The following ACSM3 variants were observed in gnomAD, a reference collection of about 807,000 sequenced individuals.
ACSM3 encodes the protein acyl-CoA synthetase medium chain family member 3, also known as acyl-coenzyme A synthetase ACSM3, mitochondrial.
In ACSM3, 61 loss-of-function variants were observed where a neutral mutation model predicts 74.1. The ratio of observed to expected loss-of-function variants is 0.82; its 90% CI spans 0.67 to 1.02. The LOEUF (loss-of-function observed/expected upper bound fraction) is 1.02. Ranked by LOEUF, ACSM3 falls within the 50% of genes least tolerant of loss-of-function variation. ACSM3 has a pLI of 0.00. For synonymous variants in ACSM3, 213 were observed against 241.5 expected (o/e 0.88, Z 1.09); for missense variants, 660 against 697.0 (o/e 0.95, Z 0.60).
chr16:20,729,460 T>C, intron 1 of ACSM3: 1 of 701,316 alleles, frequency 1.4e-6, no homozygotes, highest in South Asian at 1.6e-5. Context: ...TCAGGTACCG[T>C]ATTGGGCCAT....
intron 1 of ACSM3, chr16:20,728,105 T>C (rs1174681116): frequency 8.1e-6 from 2 of 247,872 alleles, no homozygotes; most frequent in South Asian, 1.1e-4. Flanking sequence ...TTCATTGTCA[T>C]GATATAGTTT....
Position 20,796,413 on chromosome 16 carries a change from A to C in ACSM3, c.1598A>C (p.His533Pro). ...FVVLNPDYKS[H>P]DQEQLIKEIQ... The stretch of plus-strand genomic sequence containing the variant: ...GTTCTAAATCCTGATTACAAGTCAC[A>C]TGATCAAGAACAACTAATAAAGGAG... Residue 533 changes from histidine to proline, a missense_variant, in exon 13 of 14, where the codon CAT (histidine) becomes CCT (proline). Coordinates refer to ENST00000289416, the MANE Select transcript of ACSM3 (RefSeq NM_005622.4). 6 of 1,613,896 alleles carry C rather than the reference A, an allele frequency of 3.7e-6. No individual in the cohort carries two copies. Among genetic ancestry groups the C allele is most frequent in the Non-Finnish European group, 5.1e-6 (6 of 1,179,934 alleles).
chr16:20,761,030 T>C (rs1469519268), upstream of ACSM3, among the ~76,000 whole-genome samples: 2 of 152,220 alleles, frequency 1.3e-5, no homozygotes, highest in Non-Finnish European at 2.9e-5. Context: ...AATCCACCTA[T>C]TACCTGAAAG....
rs769765337 is a variant in ACSM3 at position 20,780,883 on chromosome 16, G to A, written c.782+26G>A. The A allele has an allele frequency of 1.4e-5, 22 of 1,613,800 alleles. No individual in the cohort carries two copies. The African/African-American group carries it at 2.3e-4, about 17-fold the overall frequency. ...GTATACTTTCACAAAAGTGCAGCTTGAAGTGTCAAAACTGCAAAGATGATG... is the reference window on the plus strand; with the variant it reads ...GTATACTTTCACAAAAGTGCAGCTTAAAGTGTCAAAACTGCAAAGATGATG... On this transcript the variant is annotated intron_variant, in intron 5 of 13. Transcript: ENST00000289416.
At chr16:20,753,952 AAG>A (rs752183250) in intron 2 of ACSM3, among the ~76,000 whole-genome samples, 1 of 152,224 alleles carries the variant, frequency 6.6e-6, no homozygotes, top group Non-Finnish European at 1.5e-5. Context: ...TTGATGATGC[AAG>A]AGAGAGGAAG....
intron 1 of ACSM3, among the ~76,000 whole-genome samples, chr16:20,687,537 C>T (rs904099656): frequency 2.6e-5 from 4 of 151,998 alleles, no homozygotes; most frequent in Admixed American, 6.6e-5. Flanking sequence ...TTTCAAATGC[C>T]TAACTTTCAA....
chr16:20,691,751 A>ATGTGTGTGTGTGTGTGTG (rs59929923), intron 1 of ACSM3, among the ~76,000 whole-genome samples: 1 of 134,024 alleles, frequency 7.5e-6, no homozygotes, highest in South Asian at 2.5e-4. Flanking sequence ...TACCTCTCCA[A>ATGTGTGTGTGTGTGTGTG]TGTGTGTGTG....
chr16:20,730,631 T>C (rs1356013817), intron 1 of ACSM3, among the ~76,000 whole-genome samples: 1 of 152,128 alleles, frequency 6.6e-6, no homozygotes, highest in Non-Finnish European at 1.5e-5. Flanking sequence ...TTCTCAGAAA[T>C]AGTTTCCTCC....
At chr16:20,775,761 C>T in intron 2 of ACSM3, 78 bp from the exon 3 acceptor site, 1 of 1,418,276 alleles carries the variant, frequency 7.1e-7, no homozygotes, top group South Asian at 1.2e-5. Flanking sequence ...TTCAGCTAAT[C>T]TATTCCATTG....
intron 12 of ACSM3, 48 bp downstream of exon 12, chr16:20,792,383 C>T (rs1313157474): frequency 1.2e-6 from 2 of 1,603,934 alleles, no homozygotes; most frequent in Admixed American, 3.3e-5. Context: ...GGCAATTTAA[C>T]ACATACTTAC....
At chr16:20,760,867 T>C (rs536340610), upstream of ACSM3, among the ~76,000 whole-genome samples, 20 of 152,308 alleles carry the variant, frequency 1.3e-4, no homozygotes, top group Non-Finnish European at 2.4e-4. Context: ...CATTCACAAG[T>C]GTTCTCTTTG....
intron 1 of ACSM3, among the ~76,000 whole-genome samples, chr16:20,695,996 A>G (rs751875625): frequency 6.6e-6 from 1 of 152,212 alleles, no homozygotes; most frequent in Admixed American, 6.5e-5. Flanking sequence ...AATTATAATG[A>G]CATATTTCTA....
intron 1 of ACSM3, among the ~76,000 whole-genome samples, chr16:20,747,645 G>A (rs907180219): frequency 2.0e-5 from 3 of 152,056 alleles, no homozygotes; most frequent in African/African-American, 7.3e-5. Context: ...TAGATCATCC[G>A]CCTGCTTCTT....
chr16:20,788,542 G>T (rs1159762755), intron 9 of ACSM3, among the ~76,000 whole-genome samples: 2 of 152,164 alleles, frequency 1.3e-5, no homozygotes, highest in Non-Finnish European at 2.9e-5. Context: ...GGGGCTTCTT[G>T]TTCCTTAGCT....
rs1478218634 is a variant in ACSM3 at position 20,727,440 on chromosome 16, C to T, written c.-189-22470C>T. On this transcript the variant is annotated intron_variant, in intron 1 of 3. Coordinates refer to the ACSM3 transcript ENST00000561584. The stretch of plus-strand genomic sequence containing the variant: ...GAGGGCACAAACTGGGCTGGAGCTA[C>T]ATGAGAGCTATGGACAGACGGAAGT... The T allele has an allele frequency of 9.6e-6, 5 of 522,964 alleles. No individual in the cohort carries two copies. In the African/African-American group the frequency reaches 9.9e-5, roughly 10 times the overall value. 32.4% of individuals were successfully genotyped at this position (522,964 alleles called of 1,614,324 possible).
At chr16:20,739,206 C>T (rs1596492205) in intron 1 of ACSM3, 4 of 879,868 alleles carry the variant, frequency 4.5e-6, no homozygotes, top group South Asian at 1.8e-5. Context: ...GATGGAGTCT[C>T]GCTTTGCCTC....
rs147411401 is a variant in ACSM3, at chr16:20,778,278, G to A, written c.638+698G>A. Among the ~76,000 whole-genome samples the A allele has an allele frequency of 2.0e-4, 30 of 152,292 alleles. No homozygotes were observed. The East Asian group carries it at 3.9e-3, about 20-fold the overall frequency. Reference sequence around the variant, plus strand: ...ATGGGTTACTTGGAACTCTTGCCAGGTACTGGTTATGCCTTAGAATTGGGC... The same window carrying A: ...ATGGGTTACTTGGAACTCTTGCCAGATACTGGTTATGCCTTAGAATTGGGC... On this transcript the variant is annotated intron_variant, in intron 4 of 13. Coordinates refer to ENST00000289416, the MANE Select transcript of ACSM3 (RefSeq NM_005622.4).
chr16:20,780,863 C>T lies in ACSM3; in HGVS notation c.782+6C>T. On this transcript the variant is annotated splice_donor_region_variant and intron_variant, in intron 5 of 13. Coordinates refer to ENST00000289416, the MANE Select transcript of ACSM3 (RefSeq NM_005622.4). ...GGATTATCTGTAAATGGAAGGTATA[C>T]TTTCACAAAAGTGCAGCTTGAAGTG... is the stretch of plus-strand genomic sequence containing the variant. 15 of 1,614,182 alleles carry T rather than the reference C, an allele frequency of 9.3e-6. No homozygotes were observed. Among genetic ancestry groups the T allele is most frequent in the Non-Finnish European group, 1.2e-5 (14 of 1,179,996 alleles).
chr16:20,762,936 A>T (rs1228919217), upstream of ACSM3, among the ~76,000 whole-genome samples: 1 of 152,246 alleles, frequency 6.6e-6, no homozygotes, highest in African/African-American at 2.4e-5. Context: ...TAAGGCAAGA[A>T]AAGGAAATAA....
Sources: gnomAD v4.1 joint callset for allele counts (sites outside exome capture counted in the v4.1 genomes callset) on GRCh38, gnomAD v4.1.1 for gene constraint, MANE v1.5 for transcripts, NCBI Gene and HGNC (gene_info 2026-07-23, HGNC 2026-07-21) for gene names.